STAMBPL1: variants seen among roughly 807,000 people sequenced by gnomAD.
STAMBPL1 encodes the protein STAM binding protein like 1.
Under a neutral mutation model 52.9 loss-of-function variants are expected in STAMBPL1, and 44 were observed. The ratio of observed to expected loss-of-function variants is 0.83; its 90% CI spans 0.65 to 1.07. The LOEUF (loss-of-function observed/expected upper bound fraction) is 1.07. Among genes scored for constraint, STAMBPL1 ranks in the 50% least tolerant of loss-of-function variants. The pLI is 0.00. For synonymous variants in STAMBPL1, 164 were observed against 177.3 expected, an observed-to-expected ratio of 0.92 and a Z score of 0.60; for missense variants, 511 against 520.8, an observed-to-expected ratio of 0.98 and a Z score of 0.18.
chr10:88,901,419 G>C (rs1589363762), intron 1 of STAMBPL1: 1 of 297,070 alleles, frequency 3.4e-6, no homozygotes, highest in East Asian at 6.5e-5. Flanking sequence ...CTGGGTGTCA[G>C]TCAAATGTGA....
At chr10:88,881,430 T>G (rs1844403971) in intron 1 of STAMBPL1, among the ~76,000 whole-genome samples, 1 of 152,056 alleles carries the variant, frequency 6.6e-6, no homozygotes, top group African/African-American at 2.4e-5. Context: ...GTGGCTTGCT[T>G]CCTGGAAATC....
chr10:88,915,183 A>G (rs1284286669), intron 7 of STAMBPL1, among the ~76,000 whole-genome samples: 4 of 152,208 alleles, frequency 2.6e-5, no homozygotes, highest in Admixed American at 2.6e-4. Flanking sequence ...TAAGTATGTG[A>G]TGAAAGACAA....
chr10:88,921,511 G>A (rs1589382223), intron 9 of STAMBPL1, 116 bp downstream of exon 9: 3 of 749,382 alleles, frequency 4.0e-6, no homozygotes, highest in African/African-American at 1.8e-5. Flanking sequence ...ACGCCCTCGG[G>A]AAAAAGAGAT....
At chr10:88,883,325 G>C (rs1844453161) in intron 1 of STAMBPL1, among the ~76,000 whole-genome samples, 1 of 152,004 alleles carries the variant, frequency 6.6e-6, no homozygotes, top group African/African-American at 2.4e-5. Context: ...TGAAGAAACA[G>C]TAACAAAATC....
chr10:88,882,439 G>A (rs1045725137), intron 1 of STAMBPL1: 12 of 152,172 alleles, frequency 7.9e-5, no homozygotes, highest in African/African-American at 2.9e-4. Context: ...AATTAACACC[G>A]TTTGATCATT....
intron 3 of STAMBPL1, among the ~76,000 whole-genome samples, chr10:88,906,885 G>A (rs918995115): frequency 1.3e-5 from 2 of 152,220 alleles, no homozygotes; most frequent in African/African-American, 4.8e-5. Context: ...ATAGGCATGA[G>A]CTACTGTGCC....
intron 1 of STAMBPL1, among the ~76,000 whole-genome samples, chr10:88,893,042 A>G (rs1362803661): frequency 6.6e-6 from 1 of 152,250 alleles, no homozygotes; most frequent in Non-Finnish European, 1.5e-5. Flanking sequence ...TAAAAGGTAC[A>G]TTAAAGTTTA....
chr10:88,921,199 A>AG, intron 8 of STAMBPL1, 84 bp from the exon 9 acceptor site: 1 of 1,132,542 alleles, frequency 8.8e-7, no homozygotes, highest in Non-Finnish European at 1.3e-6. Flanking sequence ...AAAACTAAAA[A>AG]AAAACAGAGT....
At chr10:88,902,763 G>C (rs1438654127) in intron 2 of STAMBPL1, among the ~76,000 whole-genome samples, 2 of 152,060 alleles carry the variant, frequency 1.3e-5, no homozygotes, top group Non-Finnish European at 2.9e-5. Context: ...GTAGAGACAG[G>C]TTTCACCGTG....
intron 7 of STAMBPL1, among the ~76,000 whole-genome samples, chr10:88,915,017 A>G (rs1845334044): frequency 6.6e-6 from 1 of 152,170 alleles, no homozygotes; most frequent in Admixed American, 6.6e-5. Flanking sequence ...ATACATTCAT[A>G]TAATTAACTT....
chr10:88,901,444 T>G, intron 1 of STAMBPL1: 1 of 344,884 alleles, frequency 2.9e-6, no homozygotes. Flanking sequence ...TTTTCACACC[T>G]TCACTTTTAA....
chr10:88,912,913 A>G (rs1564631607), intron 5 of STAMBPL1, 188 bp from the exon 6 acceptor site: 5 of 618,904 alleles, frequency 8.1e-6, no homozygotes, highest in African/African-American at 1.8e-5. Context: ...TAGAACTGCT[A>G]TGTTAATCAG....
intron 7 of STAMBPL1, among the ~76,000 whole-genome samples, chr10:88,914,912 T>A (rs185172518): frequency 6.6e-6 from 1 of 152,238 alleles, no homozygotes; most frequent in East Asian, 1.9e-4. Context: ...ATAAATTAAA[T>A]CTTTGATTAG....
chr10:88,901,584 A>G (rs1290527845), intron 1 of STAMBPL1, 72 bp from the exon 2 acceptor site: 1 of 849,970 alleles, frequency 1.2e-6, no homozygotes, highest in East Asian at 2.6e-5. Context: ...GGCAGAGATA[A>G]CCCTGGGGTT....
At chr10:88,881,896 C>T (rs12248501) in intron 1 of STAMBPL1, among the ~76,000 whole-genome samples, 9,539 of 152,210 alleles carry the variant, frequency 0.063, 730 homozygotes, top group African/African-American at 0.18. Flanking sequence ...GTTAATGTGT[C>T]GCTGAGCAGT....
intron 1 of STAMBPL1, among the ~76,000 whole-genome samples, chr10:88,895,526 C>T (rs555912982): frequency 6.6e-6 from 1 of 152,298 alleles, no homozygotes; most frequent in East Asian, 1.9e-4. Context: ...GGTCATTAAC[C>T]TCACCTCTCC....
At chr10:88,922,483 G>T (rs1370293921) in intron 10 of STAMBPL1, 47 bp downstream of exon 10, 1 of 1,548,014 alleles carries the variant, frequency 6.5e-7, no homozygotes, top group Non-Finnish European at 8.9e-7. Context: ...CTTGTTCACT[G>T]CCCCCCCAAT....
chr10:88,920,705 A>G (rs1278355506), intron 8 of STAMBPL1, among the ~76,000 whole-genome samples: 2 of 152,140 alleles, frequency 1.3e-5, no homozygotes, highest in African/African-American at 2.4e-5. Flanking sequence ...GCTATGCGAG[A>G]TTAGTCCCAA....
At chr10:88,895,575 T>G (rs559372551) in intron 1 of STAMBPL1, among the ~76,000 whole-genome samples, 10 of 152,386 alleles carry the variant, frequency 6.6e-5, no homozygotes, top group Admixed American at 5.9e-4. Context: ...TCTTTGAGTT[T>G]CTTCCTGCAA....
Sources: gnomAD v4.1 joint callset for allele counts (sites outside exome capture counted in the v4.1 genomes callset) on GRCh38, gnomAD v4.1.1 for gene constraint, MANE v1.5 for transcripts, NCBI Gene and HGNC (gene_info 2026-07-23, HGNC 2026-07-21) for gene names.